The following CEP70 variants were observed in gnomAD, a reference collection of about 807,000 sequenced individuals.
CEP70 encodes centrosomal protein 70.
A neutral mutation model predicts 90.9 loss-of-function variants in CEP70; 70 were observed. The ratio of observed to expected loss-of-function variants is 0.77; its 90% confidence interval spans 0.64 to 0.94. CEP70 has a LOEUF of 0.94. Among genes scored for constraint, CEP70 ranks in the 40% least tolerant of loss-of-function variants. The pLI, the probability that CEP70 is intolerant of heterozygous loss-of-function variation, is 0.00. For synonymous variants in CEP70, 220 were observed against 228.3 expected (o/e 0.96, Z 0.33); for missense variants, 648 against 669.0 (o/e 0.97, Z 0.35).
intron 6 of CEP70, among the ~76,000 whole-genome samples, chr3:138,545,646 G>A (rs2039132449): frequency 6.6e-6 from 1 of 152,206 alleles, no homozygotes; most frequent in Admixed American, 6.5e-5. Flanking sequence ...ATAAATGGAT[G>A]TACAAGTAGG....
At chr3:138,530,181 G>C (rs2037682441) in intron 8 of CEP70, among the ~76,000 whole-genome samples, 1 of 152,110 alleles carries the variant, frequency 6.6e-6, no homozygotes, top group Non-Finnish European at 1.5e-5. Flanking sequence ...ATGAGCTAGT[G>C]GTTACCGCTT....
chr3:138,525,045 A>C (rs2037069963), intron 11 of CEP70, among the ~76,000 whole-genome samples: 1 of 152,198 alleles, frequency 6.6e-6, no homozygotes, highest in South Asian at 2.1e-4. Context: ...CTGGATTAAG[A>C]AAATGTGGCA....
At chr3:138,553,341 G>A (rs35597846) in intron 6 of CEP70, among the ~76,000 whole-genome samples, 10,757 of 152,106 alleles carry the variant, frequency 0.071, 775 homozygotes, top group East Asian at 0.38. Context: ...TTAGCTGGGC[G>A]TGGCAGCGGG....
intron 2 of CEP70, among the ~76,000 whole-genome samples, chr3:138,580,564 G>C (rs1365984637): frequency 6.6e-6 from 1 of 152,090 alleles, no homozygotes; most frequent in Non-Finnish European, 1.5e-5. Flanking sequence ...GTACAAACAA[G>C]CCCAGACTAC....
chr3:138,512,928 T>C (rs1355636606), intron 11 of CEP70, among the ~76,000 whole-genome samples: 2 of 152,242 alleles, frequency 1.3e-5, no homozygotes, highest in Non-Finnish European at 2.9e-5. Context: ...CTCAAAGCTA[T>C]ACTGTTCCCC....
At chr3:138,496,718 C>G in intron 17 of CEP70, 2 of 985,362 alleles carry the variant, frequency 2.0e-6, no homozygotes, top group Non-Finnish European at 2.4e-6. Context: ...AAAAAACTGT[C>G]ATGTTTGCCA....
At chr3:138,497,385 ATACATCAC>A in intron 17 of CEP70, 1 of 1,203,520 alleles carries the variant, frequency 8.3e-7, no homozygotes, top group Non-Finnish European at 1.0e-6. Context: ...TCACTGGTGA[ATACATCAC>A]TTTAAAACTT....
intron 6 of CEP70, among the ~76,000 whole-genome samples, chr3:138,549,200 T>C (rs2039438549): frequency 6.7e-6 from 1 of 150,010 alleles, no homozygotes; most frequent in African/African-American, 2.5e-5. Flanking sequence ...TGAAGCTTTC[T>C]GGCCGAACTC....
intron 6 of CEP70, among the ~76,000 whole-genome samples, chr3:138,550,535 G>A (rs1266864889): frequency 6.6e-6 from 1 of 152,030 alleles, no homozygotes; most frequent in African/African-American, 2.4e-5. Context: ...GGCTAATTTT[G>A]TATTTTTAGC....
At chr3:138,593,854 G>A (rs950660471) in intron 1 of CEP70, 1 of 152,176 alleles carries the variant, frequency 6.6e-6, no homozygotes, top group African/African-American at 2.4e-5. Context: ...TCGAGTCTGT[G>A]CCCGACGTGA....
intron 2 of CEP70, among the ~76,000 whole-genome samples, chr3:138,576,298 A>G (rs1166617950): frequency 1.3e-5 from 2 of 152,198 alleles, no homozygotes; most frequent in Non-Finnish European, 2.9e-5. Context: ...CAGGGGTTGC[A>G]ATCCTAGTCT....
chr3:138,572,250 A>G (rs112921057), intron 3 of CEP70, among the ~76,000 whole-genome samples: 1 of 152,180 alleles, frequency 6.6e-6, no homozygotes, highest in Non-Finnish European at 1.5e-5. Flanking sequence ...GACACTCTCA[A>G]AGTCAAACAA....
At position 138,541,576 on chromosome 3, in the gene CEP70, A is replaced by G. The variant is rs2038771607; in HGVS notation, c.466-4229T>C. On this transcript the variant is annotated intron_variant, in intron 6 of 17. Transcript: ENST00000264982. The stretch of plus-strand genomic sequence containing the variant: ...AAGGGAGTTCTTCACTATGAAAGAG[A>G]AGGACACCACATGCAAAAACAAAAA... 4.6e-5 allele frequency among the ~76,000 whole-genome samples: 7 copies of G among 152,370 alleles called. No homozygotes were observed. In the South Asian group the frequency reaches 1.5e-3, roughly 32 times the overall value.
intron 2 of CEP70, among the ~76,000 whole-genome samples, chr3:138,581,426 G>A (rs191336808): frequency 9.7e-4 from 147 of 152,060 alleles, no homozygotes; most frequent in Admixed American, 5.7e-3. Flanking sequence ...TATTCAGGCC[G>A]GGCGCAGTGG....
intron 7 of CEP70, 62 bp downstream of exon 7, chr3:138,537,116 A>C: frequency 8.0e-7 from 1 of 1,252,232 alleles, no homozygotes; most frequent in Non-Finnish European, 1.1e-6. Context: ...AATATCAGGT[A>C]AAACAAACAA....
At chr3:138,543,053 G>T (rs2038892907) in intron 6 of CEP70, among the ~76,000 whole-genome samples, 1 of 152,152 alleles carries the variant, frequency 6.6e-6, no homozygotes, top group African/African-American at 2.4e-5. Flanking sequence ...CATCCAATTG[G>T]CCAAAAGGCA....
Position 138,523,480 on chromosome 3 carries a change from T to C in CEP70, c.944+2010A>G, listed in dbSNP as rs548674676. On this transcript the variant is annotated intron_variant, in intron 11 of 17. Coordinates refer to ENST00000264982, the MANE Select transcript of CEP70 (RefSeq NM_024491.4). ...TGATTGTATATCTAGAAAACCCCAT[T>C]GTCTCAGCCCAAAATCTCCTTAAGC... 8.5e-5 allele frequency among the ~76,000 whole-genome samples: 13 copies of C among 152,146 alleles called. 1 individual carries two copies. Among genetic ancestry groups the C allele is most frequent in the South Asian group, 4.2e-4 (2 of 4,812 alleles).
At chr3:138,516,747 T>TA (rs1382088666) in intron 11 of CEP70, among the ~76,000 whole-genome samples, 1 of 152,228 alleles carries the variant, frequency 6.6e-6, no homozygotes, top group Non-Finnish European at 1.5e-5. Context: ...GTCACTGTGT[T>TA]ATGTGTTGCC....
chr3:138,572,228 A>C (rs920210575), intron 3 of CEP70, among the ~76,000 whole-genome samples: 1 of 152,244 alleles, frequency 6.6e-6, no homozygotes, highest in Non-Finnish European at 1.5e-5. Context: ...CTCTAACAGA[A>C]TCACCCTGAA....
Sources: allele counts gnomAD v4.1 joint callset (sites outside exome capture counted in the v4.1 genomes callset), GRCh38; gene constraint gnomAD v4.1.1; transcripts MANE v1.5; gene names NCBI Gene and HGNC (gene_info 2026-07-23, HGNC 2026-07-21).